The following TFEC variants were observed in gnomAD, a reference collection of about 807,000 sequenced individuals.
TFEC encodes transcription factor EC, also known as class E basic helix-loop-helix protein 34.
Under a neutral mutation model 41.6 loss-of-function variants are expected in TFEC, and 31 were observed. The ratio of observed to expected loss-of-function variants is 0.74; its 90% CI spans 0.56 to 1.01. The LOEUF (loss-of-function observed/expected upper bound fraction) is 1.01, where lower values mean the gene tolerates loss of function less well. Ranked by LOEUF, TFEC falls within the 50% of genes least tolerant of loss-of-function variation. The probability of loss-of-function intolerance (pLI) is 0.00; values close to 1 mark genes in which losing one functional copy is unlikely to be tolerated. For missense variants in TFEC, 402 were observed against 404.1 expected, an observed-to-expected ratio of 0.99 and a Z score of 0.04; for synonymous variants, 143 against 140.6, an observed-to-expected ratio of 1.02 and a Z score of -0.12.
intron 3 of TFEC, among the ~76,000 whole-genome samples, chr7:116,060,502 A>T (rs1796528754): frequency 1.3e-5 from 2 of 152,184 alleles, no homozygotes; most frequent in South Asian, 4.1e-4. Flanking sequence ...AAAATGTGGT[A>T]CATATACACC....
At chr7:116,151,247 T>A (rs1175746089) in intron 1 of TFEC, among the ~76,000 whole-genome samples, 3 of 147,978 alleles carry the variant, frequency 2.0e-5, no homozygotes, top group Non-Finnish European at 3.0e-5. Flanking sequence ...GATTTTTTTT[T>A]TTTTTTTTTT....
chr7:116,029,502 C>T (rs1190331937), intron 1 of TFEC, among the ~76,000 whole-genome samples: 1 of 152,128 alleles, frequency 6.6e-6, no homozygotes, highest in Non-Finnish European at 1.5e-5. Flanking sequence ...GGTTATTTTA[C>T]ACTCTTATAG....
At chr7:116,005,609 CAG>C (rs1794758298) in intron 1 of TFEC, among the ~76,000 whole-genome samples, 2 of 152,100 alleles carry the variant, frequency 1.3e-5, no homozygotes, top group African/African-American at 4.8e-5. Context: ...ATGAGGGAAA[CAG>C]AGCATAAAAG....
chr7:115,956,590 T>G, intron 4 of TFEC, 89 bp downstream of exon 4: 1 of 735,166 alleles, frequency 1.4e-6, no homozygotes, highest in Admixed American at 3.9e-5. Flanking sequence ...TTGTTATACT[T>G]TTAAAATCCT....
At chr7:116,108,354 A>C (rs73462576) in intron 3 of TFEC, among the ~76,000 whole-genome samples, 1 of 152,168 alleles carries the variant, frequency 6.6e-6, no homozygotes, top group Non-Finnish European at 1.5e-5. Flanking sequence ...GCCCAATTCA[A>C]ATGTCTCCAC....
chr7:115,939,640 A>G lies in TFEC; in HGVS notation c.*911T>C, dbSNP rs1793390517. On this transcript the variant is annotated 3_prime_UTR_variant, in exon 8 of 8. Transcript: ENST00000265440. ...AACTGTCCTTGCAGGGGGACATTTT[A>G]TATTTTATTTACTAAAATTGATGAT... 1 of 152,084 alleles carries G rather than the reference A, an allele frequency of 6.6e-6. No homozygotes were observed. Among genetic ancestry groups the G allele is most frequent in the Non-Finnish European group, 1.5e-5 (1 of 67,976 alleles). The allele number at this position is 152,084 out of a possible 1,614,324, so 9.4% of individuals were successfully genotyped here. A position where few individuals can be genotyped will look rare whatever the true frequency, so the allele number is the denominator to read the frequency against.
intron 1 of TFEC, among the ~76,000 whole-genome samples, chr7:116,116,070 A>G (rs990971670): frequency 6.6e-6 from 1 of 151,982 alleles, no homozygotes; most frequent in Non-Finnish European, 1.5e-5. Context: ...TAGAAAGAAC[A>G]TATTTTACAT....
rs540909815 is a variant in TFEC, at chr7:116,128,044, A to G, written c.-68-16006T>C. On this transcript the variant is annotated intron_variant, in intron 1 of 8. Coordinates refer to the TFEC transcript ENST00000484212. Reference sequence around the variant, plus strand: ...AAGATCAGCTACTAAAAAAGCAGTAACTCAAATTACATAACTTTTCTATTG... The same window carrying G: ...AAGATCAGCTACTAAAAAAGCAGTAGCTCAAATTACATAACTTTTCTATTG... Among the ~76,000 whole-genome samples, 46 of 152,348 alleles carry G rather than the reference A, an allele frequency of 3.0e-4. 1 individual carries two copies. Among genetic ancestry groups the G allele is most frequent in the African/African-American group, 1.0e-3 (42 of 41,574 alleles).
In TFEC at chr7:116,088,371, G is replaced by A. The variant is rs532072872; in HGVS notation, c.198+22337C>T. 6.6e-5 allele frequency among the ~76,000 whole-genome samples: 10 copies of A among 152,142 alleles called. No homozygotes were observed. In the South Asian group the frequency reaches 1.0e-3, roughly 16 times the overall value. On this transcript the variant is annotated intron_variant, in intron 3 of 8. Coordinates refer to the TFEC transcript ENST00000484212. ...GAGGAACTGCCTTAATCACTGACAC[G>A]TCTCTAAAACTGAGTACATGGTAGT...
intron 4 of TFEC, among the ~76,000 whole-genome samples, 179 bp downstream of exon 4, chr7:115,956,500 A>C (rs187069800): frequency 2.1e-4 from 32 of 152,094 alleles, no homozygotes; most frequent in African/African-American, 6.7e-4. Context: ...CAGTCAAACT[A>C]TAAGTTATTT....
Position 115,956,803 on chromosome 7 carries a change from A to T in TFEC, c.268-10T>A. 1.3e-6 allele frequency: 2 copies of T among 1,518,924 alleles called. No homozygotes were observed. Among genetic ancestry groups the T allele is most frequent in the South Asian group, 2.6e-5 (2 of 77,748 alleles). 94.1% of individuals were successfully genotyped at this position (1,518,924 alleles called of 1,614,324 possible). A position where few individuals can be genotyped will look rare whatever the true frequency, so the allele number is the denominator to read the frequency against. On this transcript the variant is annotated splice_polypyrimidine_tract_variant and intron_variant, in intron 3 of 7. Transcript: ENST00000265440. ...AAATACTTCCAGATAACTTGAGAGGAAAAAGGAAGAAAAGATTAATAAAAA... is the reference window on the plus strand; with the variant it reads ...AAATACTTCCAGATAACTTGAGAGGTAAAAGGAAGAAAAGATTAATAAAAA...
At chr7:116,152,317 G>A (rs1033104409) in intron 1 of TFEC, among the ~76,000 whole-genome samples, 2 of 152,146 alleles carry the variant, frequency 1.3e-5, no homozygotes, top group South Asian at 4.1e-4. Flanking sequence ...CCAAGAAGAG[G>A]GGATCTAAAC....
At chr7:116,101,158 A>G (rs1028717877) in intron 3 of TFEC, among the ~76,000 whole-genome samples, 1 of 150,986 alleles carries the variant, frequency 6.6e-6, no homozygotes, top group Admixed American at 6.6e-5. Flanking sequence ...CTGATATGAG[A>G]CTCCCAACAC....
intron 1 of TFEC, among the ~76,000 whole-genome samples, chr7:116,014,505 T>C (rs943605194): frequency 2.0e-5 from 3 of 151,942 alleles, no homozygotes; most frequent in African/African-American, 4.8e-5. Flanking sequence ...AGAAAAAAAA[T>C]TCATTGAAAA....
chr7:116,080,556 C>G (rs534162290), intron 3 of TFEC, among the ~76,000 whole-genome samples: 6 of 152,058 alleles, frequency 3.9e-5, no homozygotes, highest in Admixed American at 2.0e-4. Flanking sequence ...ATTCTCAAAA[C>G]AAGATATACA....
At chr7:116,081,687 T>C (rs572103823) in intron 3 of TFEC, among the ~76,000 whole-genome samples, 1 of 152,188 alleles carries the variant, frequency 6.6e-6, no homozygotes, top group Admixed American at 6.6e-5. Flanking sequence ...TAAGCCCAAA[T>C]TCTTTAGCAC....
intron 1 of TFEC, among the ~76,000 whole-genome samples, chr7:115,986,855 ATATG>A (rs1793881360): frequency 6.6e-6 from 1 of 152,018 alleles, no homozygotes; most frequent in Non-Finnish European, 1.5e-5. Flanking sequence ...ACATGTATAC[ATATG>A]TAACAAACCT....
chr7:116,051,934 T>C (rs1290859437), intron 3 of TFEC, among the ~76,000 whole-genome samples: 1 of 151,926 alleles, frequency 6.6e-6, no homozygotes, highest in East Asian at 1.9e-4. Context: ...AAGATATGCA[T>C]TGTTAGAGGA....
At chr7:116,130,084 A>ACACACT (rs1166207148) in intron 1 of TFEC, among the ~76,000 whole-genome samples, 1 of 144,290 alleles carries the variant, frequency 6.9e-6, no homozygotes, top group Admixed American at 6.9e-5. Context: ...ACACACACAC[A>ACACACT]CTCTTACTTG....
Sources: allele counts gnomAD v4.1 joint callset (sites outside exome capture counted in the v4.1 genomes callset), GRCh38; gene constraint gnomAD v4.1.1; transcripts MANE v1.5; gene names NCBI Gene and HGNC (gene_info 2026-07-23, HGNC 2026-07-21).